GNAL: variants seen among roughly 807,000 people sequenced by gnomAD.
GNAL encodes the protein guanine nucleotide-binding protein G(olf) subunit alpha.
A neutral mutation model predicts 55.1 loss-of-function variants in GNAL; 18 were observed. The ratio of observed to expected loss-of-function variants is 0.33; its 90% CI spans 0.23 to 0.48. The LOEUF (loss-of-function observed/expected upper bound fraction) is 0.48, where lower values mean the gene tolerates loss of function less well. Among genes scored for constraint, GNAL ranks in the 20% least tolerant of loss-of-function variants. The pLI is 0.99. For missense variants in GNAL, 412 were observed against 614.1 expected (o/e 0.67, Z 3.48); for synonymous variants, 253 against 237.0 (o/e 1.07, Z -0.62).
intron 5 of GNAL, chr18:11,852,079 C>CA: frequency 3.7e-6 from 6 of 1,609,988 alleles, no homozygotes; most frequent in Non-Finnish European, 5.1e-6. Context: ...TGAACTGTCT[C>CA]AGAGACTGGC....
chr18:11,744,434 A>G (rs1015170066), intron 1 of GNAL, among the ~76,000 whole-genome samples: 1 of 152,218 alleles, frequency 6.6e-6, no homozygotes, highest in Admixed American at 6.5e-5. Context: ...TTTTAAGTGT[A>G]CTATAATTAG....
chr18:11,851,471 G>A, intron 5 of GNAL: 1 of 1,489,990 alleles, frequency 6.7e-7, no homozygotes. Flanking sequence ...CCTTCGGCGC[G>A]CTTCTCAGCC....
At chr18:11,876,729 T>G in intron 11 of GNAL, 41 bp downstream of exon 11, 1 of 1,094,862 alleles carries the variant, frequency 9.1e-7, no homozygotes. Context: ...ACCTCCCTTC[T>G]TAATCTTTTG....
intron 5 of GNAL, among the ~76,000 whole-genome samples, chr18:11,850,360 T>A (rs139335910): frequency 6.2e-4 from 95 of 152,306 alleles, no homozygotes; most frequent in African/African-American, 2.1e-3. Flanking sequence ...CTAAGCGAGG[T>A]GGCAGGCTGC....
chr18:11,835,498 G>A (rs2035480118), intron 5 of GNAL, among the ~76,000 whole-genome samples: 1 of 151,742 alleles, frequency 6.6e-6, no homozygotes, highest in African/African-American at 2.4e-5. Flanking sequence ...ACAGTAAAAC[G>A]AAAATGTCAG....
chr18:11,698,341 A>C (rs1285123691), intron 1 of GNAL, among the ~76,000 whole-genome samples: 1 of 152,004 alleles, frequency 6.6e-6, no homozygotes, highest in African/African-American at 2.4e-5. Context: ...AAATGCAAAA[A>C]TTAACTGGGC....
At chr18:11,788,532 A>G (rs1025325326) in intron 4 of GNAL, among the ~76,000 whole-genome samples, 2 of 152,180 alleles carry the variant, frequency 1.3e-5, no homozygotes, top group Non-Finnish European at 1.5e-5. Context: ...TTTACAATTC[A>G]GAACAAATCT....
intron 6 of GNAL, among the ~76,000 whole-genome samples, chr18:11,863,131 G>A (rs898531812): frequency 2.0e-5 from 3 of 152,006 alleles, no homozygotes; most frequent in Admixed American, 6.6e-5. Context: ...CACCTGCCTT[G>A]GCCTCCCAAA....
At chr18:11,848,918 T>A (rs755947922) in intron 5 of GNAL, among the ~76,000 whole-genome samples, 1 of 152,256 alleles carries the variant, frequency 6.6e-6, no homozygotes, top group Non-Finnish European at 1.5e-5. Context: ...GCCTTATTAC[T>A]GGTCCCAATA....
chr18:11,751,012 G>C lies in GNAL; in HGVS notation c.377-1841G>C, dbSNP rs907371762. Among the ~76,000 whole-genome samples, 1 of 152,084 alleles carries C rather than the reference G, an allele frequency of 6.6e-6. No homozygotes were observed. Among genetic ancestry groups the C allele is most frequent in the African/African-American group, 2.4e-5 (1 of 41,386 alleles). ...GGGGAGCCGGGGCGGGCTGGGGTCTGTTCTCCTGAAGAAGGCCAGCTCCGC... is the reference window on the plus strand; with the variant it reads ...GGGGAGCCGGGGCGGGCTGGGGTCTCTTCTCCTGAAGAAGGCCAGCTCCGC... On this transcript the variant is annotated intron_variant, in intron 1 of 11. Transcript: ENST00000334049. This position sits in a 1 kb window ranked among gnomAD's most constrained non-coding sequence, Gnocchi z 4.5.
intron 4 of GNAL, among the ~76,000 whole-genome samples, chr18:11,799,373 TC>T (rs2034465546): frequency 6.6e-6 from 1 of 152,206 alleles, no homozygotes; most frequent in African/African-American, 2.4e-5. Context: ...CATTGCTCTG[TC>T]TTAAACATAA....
chr18:11,715,378 A>C (rs866916782), intron 1 of GNAL, among the ~76,000 whole-genome samples: 3 of 149,434 alleles, frequency 2.0e-5, no homozygotes, highest in Non-Finnish European at 4.5e-5. Context: ...GGAGAATGGC[A>C]TGAACCCGGG....
At position 11,790,651 on chromosome 18, in the gene GNAL, C is replaced by CTTTTTTTTTTTTTTTTTTTTTTTTTTT. The variant is rs1232488173; in HGVS notation, c.625-34258_625-34257insTTTTTTTTTTTTTTTTTTTTTTTTTTT. On this transcript the variant is annotated intron_variant, in intron 4 of 11. Transcript: ENST00000334049. ...GATGGTTTTTCTTTTCTTTTCTTTTCTTTTTTTTTCTTTTTTTTTTTTTTT... is the reference window on the plus strand; with the variant it reads ...GATGGTTTTTCTTTTCTTTTCTTTTCTTTTTTTTTTTTTTTTTTTTTTTTTTTTTTTTTTTTCTTTTTTTTTTTTTTT... Among the ~76,000 whole-genome samples, 3 of 83,358 alleles carry CTTTTTTTTTTTTTTTTTTTTTTTTTTT rather than the reference C, an allele frequency of 3.6e-5. 1 individual carries two copies. The highest frequency in any genetic ancestry group is 2.2e-5 in the Non-Finnish European group (1 of 45,544). 54.7% of individuals were successfully genotyped at this position (83,358 alleles called of 152,430 possible). A position where few individuals can be genotyped will look rare whatever the true frequency, so the allele number is the denominator to read the frequency against.
rs1011400970 is a variant in GNAL at position 11,816,813 on chromosome 18, C to T, written c.625-8105C>T. Among the ~76,000 whole-genome samples, 6 of 68,594 alleles carry T rather than the reference C, an allele frequency of 8.7e-5. No homozygotes were observed. In the East Asian group the frequency reaches 1.1e-3, roughly 13 times the overall value. The allele number at this position is 68,594 out of a possible 152,430, so 45.0% of individuals were successfully genotyped here. On this transcript the variant is annotated intron_variant, in intron 4 of 11. Coordinates refer to ENST00000334049, the MANE Select transcript of GNAL (RefSeq NM_182978.4). ...TGGGCGACAGAGTGAGACGCTGTCT[C>T]GAAAGAAAAAAAAAAAAAAGGAACA...
At chr18:11,698,513 G>C (rs1378558476) in intron 1 of GNAL, among the ~76,000 whole-genome samples, 1 of 143,852 alleles carries the variant, frequency 7.0e-6, no homozygotes, top group Middle Eastern at 3.6e-3. Context: ...AAAAAATAGA[G>C]GGCTGAGAAG....
intron 4 of GNAL, among the ~76,000 whole-genome samples, chr18:11,759,797 G>A (rs1177503604): frequency 6.6e-6 from 1 of 152,248 alleles, no homozygotes; most frequent in African/African-American, 2.4e-5. Flanking sequence ...AGAATCTCCA[G>A]AATGCGGTCA....
chr18:11,786,408 C>CGT (rs2034057704), intron 4 of GNAL, among the ~76,000 whole-genome samples: 1 of 131,306 alleles, frequency 7.6e-6, no homozygotes, highest in South Asian at 2.7e-4. Context: ...GCTGAAGAAG[C>CGT]GTGGTGGGAT....
intron 11 of GNAL, among the ~76,000 whole-genome samples, chr18:11,880,314 A>G (rs2036644355): frequency 6.7e-6 from 1 of 150,192 alleles, no homozygotes; most frequent in African/African-American, 2.4e-5. Context: ...CATGCCTATA[A>G]TCCCAGCACT....
intron 4 of GNAL, among the ~76,000 whole-genome samples, chr18:11,806,655 C>T (rs1196044916): frequency 6.6e-6 from 1 of 152,022 alleles, no homozygotes; most frequent in Non-Finnish European, 1.5e-5. Context: ...CATAGACGTC[C>T]TCCTGTTGAG....
Sources: gnomAD v4.1 joint callset for allele counts (sites outside exome capture counted in the v4.1 genomes callset) on GRCh38, gnomAD v4.1.1 for gene constraint, Gnocchi (gnomAD v3.1) non-coding constraint, MANE v1.5 for transcripts, NCBI Gene and HGNC (gene_info 2026-07-23, HGNC 2026-07-21) for gene names.